Variants in APLP2 observed in about 807,000 individuals in gnomAD.
The protein encoded by APLP2 is amyloid beta precursor like protein 2, also known as CDEI box-binding protein.
Under a neutral mutation model 89.9 loss-of-function variants are expected in APLP2, and 53 were observed. That is an observed-to-expected ratio of 0.59 (90% CI 0.47 to 0.74). The LOEUF is 0.74. Ranked by LOEUF, APLP2 falls within the 30% of genes least tolerant of loss-of-function variation. APLP2 has a pLI of 0.00. For synonymous variants in APLP2, 372 were observed against 348.6 expected, an observed-to-expected ratio of 1.07 and a Z score of -0.75; for missense variants, 973 against 975.9, an observed-to-expected ratio of 1.00 and a Z score of 0.04.
intron 3 of APLP2, among the ~76,000 whole-genome samples, chr11:130,110,887 A>G (rs1948462559): frequency 6.6e-6 from 1 of 152,084 alleles, no homozygotes; most frequent in African/African-American, 2.4e-5. Flanking sequence ...ATCCTTCCTC[A>G]GGACTGAATA....
At chr11:130,126,580 T>G (rs1035179827) in intron 7 of APLP2, 120 bp from the exon 8 acceptor site, 64 of 1,166,338 alleles carry the variant, frequency 5.5e-5, no homozygotes, top group Non-Finnish European at 7.8e-5. Context: ...AGCAGCACCC[T>G]GCACTTAGAG....
chr11:130,117,689 T>C (rs1949353344), intron 3 of APLP2, among the ~76,000 whole-genome samples: 1 of 152,252 alleles, frequency 6.6e-6, no homozygotes, highest in Non-Finnish European at 1.5e-5. Flanking sequence ...TTTACATTAA[T>C]GGCATCATAC....
At chr11:130,081,298 T>TA in intron 1 of APLP2, among the ~76,000 whole-genome samples, 1 of 152,310 alleles carries the variant, frequency 6.6e-6, no homozygotes, top group Middle Eastern at 3.4e-3. Context: ...TCCCTCTAAA[T>TA]AGGTATTCAT....
chr11:130,136,120 C>T lies in APLP2; in HGVS notation c.1837+405C>T, dbSNP rs619606. ...GACAGGGCTGGCGTGGGTCATATCT[C>T]TGACATGAGGTGGGGATAAGAAGCT... On this transcript the variant is annotated intron_variant, in intron 13 of 16. Transcript: ENST00000338167. 9.4e-3 allele frequency among the ~76,000 whole-genome samples: 1,423 copies of T among 152,190 alleles called. 13 individuals are homozygous for T. The highest frequency in any genetic ancestry group is 0.014 in the Non-Finnish European group (973 of 67,990).
intron 3 of APLP2, among the ~76,000 whole-genome samples, chr11:130,114,784 G>A (rs1041512519): frequency 7.9e-5 from 12 of 152,160 alleles, no homozygotes; most frequent in Non-Finnish European, 1.8e-4. Context: ...TGGACAGGTA[G>A]TGTTATTGCG....
intron 3 of APLP2, among the ~76,000 whole-genome samples, chr11:130,111,658 T>C (rs57830063): frequency 0.029 from 4,381 of 152,226 alleles, 196 homozygotes; most frequent in African/African-American, 0.099. Flanking sequence ...TTTTAAAATA[T>C]TCGTGAGGAG....
rs77161298 is a variant in APLP2, at chr11:130,117,745, A to G, written c.404-2961A>G. ...TTGCTTTTACTTTACATCATTTTTTAGTTTATCCAAGGTGTTGTATAGATT... is the reference window on the plus strand; with the variant it reads ...TTGCTTTTACTTTACATCATTTTTTGGTTTATCCAAGGTGTTGTATAGATT... On this transcript the variant is annotated intron_variant, in intron 3 of 16. Transcript: ENST00000338167. Among the ~76,000 whole-genome samples the G allele has an allele frequency of 4.9e-3, 746 of 152,188 alleles. 5 individuals carry two copies. Among genetic ancestry groups the G allele is most frequent in the African/African-American group, 0.017 (690 of 41,542 alleles).
intron 3 of APLP2, among the ~76,000 whole-genome samples, chr11:130,118,143 T>A (rs1198920102): frequency 6.6e-6 from 1 of 152,206 alleles, no homozygotes; most frequent in African/African-American, 2.4e-5. Flanking sequence ...ATTGCTGCTT[T>A]AAATTTTTTT....
chr11:130,129,749 A>G (rs1228306107), intron 10 of APLP2, among the ~76,000 whole-genome samples: 1 of 152,218 alleles, frequency 6.6e-6, no homozygotes, highest in Non-Finnish European at 1.5e-5. Flanking sequence ...TATAGGTGTC[A>G]GAGGCTGAGC....
intron 1 of APLP2, among the ~76,000 whole-genome samples, chr11:130,078,169 T>C (rs7928285): frequency 0.044 from 6,591 of 150,912 alleles, 393 homozygotes; most frequent in African/African-American, 0.14. Flanking sequence ...TTCTTTCTTT[T>C]TTTTTTTTTT....
Position 130,120,600 on chromosome 11 carries a change from T to C in APLP2, c.404-106T>C, listed in dbSNP as rs973409462. 3.2e-5 allele frequency: 25 copies of C among 788,564 alleles called. No individual in the cohort carries two copies. In the African/African-American group the frequency reaches 4.1e-4, roughly 13 times the overall value. The allele number at this position is 788,564 out of a possible 1,614,324, so 48.8% of individuals were successfully genotyped here. A position where few individuals can be genotyped will look rare whatever the true frequency, so the allele number is the denominator to read the frequency against. ...CGAGATGTGCATCTGCTCGTATACA[T>C]GAGACTGCTCCTGGCTGTGTAGACT... On this transcript the variant is annotated intron_variant, in intron 3 of 16. Coordinates refer to ENST00000338167, the MANE Select transcript of APLP2 (RefSeq NM_001142276.2).
rs1949838292 is a variant in APLP2, at chr11:130,121,689, A to C, written c.592A>C (p.Thr198Pro). ...ATGTGGGGTAGACCAGTTCCATGGC[A>C]CTGAATATGTGTGCTGCCCTCAGAC... ...LPCGVDQFHG[T>P]EYVCCPQTKI... The change falls in exon 5 of 17, where the codon ACT (threonine) becomes CCT (proline). Residue 198 changes from threonine (T) to proline (P), a missense_variant. By Grantham distance (38) the Thr-to-Pro change is conservative (BLOSUM62 -1). Transcript: ENST00000338167. 2 of 1,614,174 alleles carry C rather than the reference A, an allele frequency of 1.2e-6. No individual in the cohort carries two copies. Among genetic ancestry groups the C allele is most frequent in the East Asian group, 4.5e-5 (2 of 44,880 alleles).
intron 13 of APLP2, chr11:130,138,753 ATTTTTTTTTTTT>A (rs34571431): frequency 8.0e-6 from 1 of 124,776 alleles, no homozygotes; most frequent in Admixed American, 8.2e-5. Context: ...CCTCGGCTAA[ATTTTTTTTTTTT>A]TTTTTTTTTT....
intron 3 of APLP2, among the ~76,000 whole-genome samples, chr11:130,115,756 AT>A (rs1261843235): frequency 1.3e-5 from 2 of 152,160 alleles, no homozygotes; most frequent in Non-Finnish European, 2.9e-5. Flanking sequence ...GCCTAGGTAA[AT>A]TTTTTTCCCT....
intron 1 of APLP2, among the ~76,000 whole-genome samples, chr11:130,104,145 A>C: frequency 6.6e-6 from 1 of 150,812 alleles, no homozygotes; most frequent in Non-Finnish European, 1.5e-5. Flanking sequence ...TTCTCGACAC[A>C]CAATCCAAGT....
rs73041253 is a variant in APLP2, at chr11:130,097,523, G to A, written c.106-11906G>A. On this transcript the variant is annotated intron_variant, in intron 1 of 16. Transcript: ENST00000338167. Reference sequence around the variant, plus strand: ...AGCCTGGGCAATATAGTGGGACCCCGTCTCTGCAAAAAATGTTTGTTTAAT... The same window carrying A: ...AGCCTGGGCAATATAGTGGGACCCCATCTCTGCAAAAAATGTTTGTTTAAT... Among the ~76,000 whole-genome samples the A allele has an allele frequency of 6.8e-3, 1,035 of 152,218 alleles. 7 individuals carry two copies. Among genetic ancestry groups the A allele is most frequent in the Middle Eastern group, 0.048 (14 of 294 alleles).
intron 3 of APLP2, among the ~76,000 whole-genome samples, chr11:130,111,057 A>T (rs1232583044): frequency 6.6e-6 from 1 of 152,064 alleles, no homozygotes; most frequent in Non-Finnish European, 1.5e-5. Flanking sequence ...CATTTGACCA[A>T]ATTTCTGCTA....
intron 8 of APLP2, among the ~76,000 whole-genome samples, 176 bp downstream of exon 8, chr11:130,127,006 C>T (rs775460990): frequency 6.6e-6 from 1 of 150,774 alleles, no homozygotes; most frequent in African/African-American, 2.4e-5. Context: ...TCACCACCTG[C>T]ATCCAGATAA....
intron 2 of APLP2, chr11:130,109,850 G>T (rs3819106): frequency 5.1e-6 from 2 of 392,794 alleles, no homozygotes; most frequent in Non-Finnish European, 9.0e-6. Context: ...AGTGCCATGG[G>T]AGTGCAGCCT....
Sources: gnomAD v4.1 joint callset for allele counts (sites outside exome capture counted in the v4.1 genomes callset) on GRCh38, gnomAD v4.1.1 for gene constraint, MANE v1.5 for transcripts, NCBI Gene and HGNC (gene_info 2026-07-23, HGNC 2026-07-21) for gene names.